RNF6: variants seen among roughly 807,000 people sequenced by gnomAD.
RNF6 encodes E3 ubiquitin-protein ligase RNF6.
RNF6 carries 21 observed loss-of-function variants against 50.1 expected under a neutral mutation model. The observed-to-expected ratio is 0.42, with a 90% CI of 0.30 to 0.60. The LOEUF is 0.60. Among genes scored for constraint, RNF6 ranks in the 20% least tolerant of loss-of-function variants. The pLI is 0.20. For synonymous variants in RNF6, 255 were observed against 291.8 expected, an observed-to-expected ratio of 0.87 and a Z score of 1.29; for missense variants, 698 against 838.2, an observed-to-expected ratio of 0.83 and a Z score of 2.07.
chr13:26,158,972 TA>T, intron 5 of RNF6, among the ~76,000 whole-genome samples: 1 of 152,304 alleles, frequency 6.6e-6, no homozygotes, highest in South Asian at 2.1e-4. Context: ...GTTTGTTATT[TA>T]CATTTATTAT....
chr13:26,191,531 G>T (rs1368828464), intron 5 of RNF6, among the ~76,000 whole-genome samples: 1 of 152,110 alleles, frequency 6.6e-6, no homozygotes, highest in South Asian at 2.1e-4. Flanking sequence ...GGATCATGGG[G>T]GCAGTTTCCC....
chr13:26,163,764 T>A (rs1476769679), intron 5 of RNF6, among the ~76,000 whole-genome samples: 2 of 152,202 alleles, frequency 1.3e-5, no homozygotes, highest in Admixed American at 1.3e-4. Flanking sequence ...TCTACTAATA[T>A]CTGTAACTAG....
exon 6 of RNF6, chr13:26,132,357 T>A: frequency 2.3e-6 from 1 of 435,658 alleles, no homozygotes; most frequent in Non-Finnish European, 4.6e-6. Flanking sequence ...CCAGCGAAGC[T>A]ATTGAAATGA....
intron 5 of RNF6, among the ~76,000 whole-genome samples, chr13:26,166,395 G>T (rs752260796): frequency 6.6e-6 from 1 of 152,174 alleles, no homozygotes; most frequent in Non-Finnish European, 1.5e-5. Flanking sequence ...ATCCAAAGAG[G>T]AAGAGAGGAA....
intron 5 of RNF6, among the ~76,000 whole-genome samples, chr13:26,151,173 AC>A (rs1168427784): frequency 3.9e-5 from 6 of 152,240 alleles, no homozygotes; most frequent in Admixed American, 3.9e-4. Context: ...CTTGTAGGAT[AC>A]TTTTATTACA....
intron 5 of RNF6, among the ~76,000 whole-genome samples, chr13:26,206,916 T>TA (rs56875324): frequency 2.3e-4 from 34 of 148,504 alleles, no homozygotes; most frequent in East Asian, 7.9e-4. Context: ...CCTTCCTCCT[T>TA]AAAAAAAAAA....
In RNF6 at chr13:26,150,588, T is replaced by C. The variant is rs138089796; in HGVS notation, n.769-18137A>G. Among the ~76,000 whole-genome samples the C allele has an allele frequency of 7.9e-4, 121 of 152,288 alleles. 1 individual carries two copies. The highest frequency in any genetic ancestry group is 2.9e-3 in the African/African-American group (120 of 41,564). On this transcript the variant is annotated intron_variant and non_coding_transcript_variant, in intron 5 of 5. Transcript: ENST00000468480. ...ACCCCAAAGATACTATCATAGTTCT[T>C]ATGACACCTAGTAAGTCCTGTTAGT...
intron 5 of RNF6, among the ~76,000 whole-genome samples, chr13:26,171,464 C>T (rs1164358750): frequency 1.3e-5 from 2 of 152,132 alleles, no homozygotes; most frequent in Non-Finnish European, 2.9e-5. Context: ...TAAAATAGTG[C>T]AGCTTCTGTG....
intron 5 of RNF6, among the ~76,000 whole-genome samples, chr13:26,205,575 AAACT>A (rs1263998510): frequency 6.6e-6 from 1 of 152,220 alleles, no homozygotes; most frequent in African/African-American, 2.4e-5. Flanking sequence ...TCACCTGAAC[AAACT>A]GTTTAAAGAG....
intron 5 of RNF6, chr13:26,132,516 CA>C (rs1870444334): frequency 2.3e-6 from 1 of 441,444 alleles, no homozygotes. Flanking sequence ...TTTAAACTTC[CA>C]TGTCTTTAGT....
chr13:26,154,239 A>G (rs1871788841), intron 5 of RNF6: 1 of 152,242 alleles, frequency 6.6e-6, no homozygotes, highest in African/African-American at 2.4e-5. Flanking sequence ...CTAGTAGAAA[A>G]CAGGGAAAGT....
At chr13:26,188,763 G>T (rs1873678847) in intron 5 of RNF6, among the ~76,000 whole-genome samples, 1 of 150,316 alleles carries the variant, frequency 6.7e-6, no homozygotes, top group South Asian at 2.1e-4. Flanking sequence ...CCAAGTAGCT[G>T]GGACTACAGG....
At chr13:26,170,617 C>T (rs576773775) in intron 5 of RNF6, among the ~76,000 whole-genome samples, 80 of 152,306 alleles carry the variant, frequency 5.3e-4, no homozygotes, top group African/African-American at 1.9e-3. Flanking sequence ...TGACCTCTTG[C>T]TCCCAGAGGG....
At chr13:26,152,341 G>T (rs1566410577) in intron 5 of RNF6, among the ~76,000 whole-genome samples, 1 of 152,144 alleles carries the variant, frequency 6.6e-6, no homozygotes. Context: ...CTCACGCTGC[G>T]CGCTGTGCCC....
At chr13:26,144,204 C>A (rs992018126) in intron 5 of RNF6, among the ~76,000 whole-genome samples, 1 of 152,056 alleles carries the variant, frequency 6.6e-6, no homozygotes, top group African/African-American at 2.4e-5. Flanking sequence ...CCATGCATAA[C>A]CTCCATCCCT....
In RNF6 at chr13:26,145,289, C is replaced by T. The variant is rs73482839; in HGVS notation, n.769-12838G>A. Among the ~76,000 whole-genome samples the T allele has an allele frequency of 2.9e-3, 446 of 152,312 alleles. 3 individuals are homozygous for T. Among genetic ancestry groups the T allele is most frequent in the African/African-American group, 9.1e-3 (379 of 41,574 alleles). On this transcript the variant is annotated intron_variant and non_coding_transcript_variant, in intron 5 of 5. Transcript: ENST00000468480. Reference sequence around the variant, plus strand: ...TATTCTCCAAGATCTATTTGTCTTACGCTCAGGTGATCGGAATGTGGTGGG... The same window carrying T: ...TATTCTCCAAGATCTATTTGTCTTATGCTCAGGTGATCGGAATGTGGTGGG...
intron 5 of RNF6, among the ~76,000 whole-genome samples, chr13:26,160,544 CTTTTTTTTTT>C (rs398022018): frequency 1.2e-4 from 3 of 24,314 alleles, no homozygotes; most frequent in African/African-American, 1.3e-4. Context: ...TCTTCTTCTT[CTTTTTTTTTT>C]TTTTTTTTTT....
intron 5 of RNF6, among the ~76,000 whole-genome samples, chr13:26,175,057 C>G (rs1476897082): frequency 6.6e-6 from 1 of 152,116 alleles, no homozygotes; most frequent in Non-Finnish European, 1.5e-5. Context: ...CACTATTAAC[C>G]AAGATGCTCC....
At chr13:26,175,260 T>C (rs148215364) in intron 5 of RNF6, among the ~76,000 whole-genome samples, 2,752 of 152,240 alleles carry the variant, frequency 0.018, 65 homozygotes, top group African/African-American at 0.052. Context: ...TTTGTAGATT[T>C]AGTAGAGACG....
Sources: allele counts gnomAD v4.1 joint callset (sites outside exome capture counted in the v4.1 genomes callset), GRCh38; gene constraint gnomAD v4.1.1; transcripts MANE v1.5; gene names NCBI Gene and HGNC (gene_info 2026-07-23, HGNC 2026-07-21).